THSD7B: variants seen among roughly 807,000 people sequenced by gnomAD.
The protein encoded by THSD7B is thrombospondin type-1 domain-containing protein 7B.
THSD7B carries 138 observed loss-of-function variants against 213.6 expected under a neutral mutation model. That is an observed-to-expected ratio of 0.65 (90% CI 0.56 to 0.74). THSD7B has a LOEUF of 0.74. THSD7B is among the 30% of genes least tolerant of loss of function. The pLI, the probability that THSD7B is intolerant of heterozygous loss-of-function variation, is 0.00. For synonymous variants in THSD7B, 742 were observed against 687.0 expected, an observed-to-expected ratio of 1.08 and a Z score of -1.25; for missense variants, 1,931 against 1,991.5, an observed-to-expected ratio of 0.97 and a Z score of 0.58.
chr2:137,170,688 C>T, intron 6 of THSD7B, 53 bp from the exon 7 acceptor site: 1 of 1,572,576 alleles, frequency 6.4e-7, no homozygotes, highest in Middle Eastern at 2.0e-4. Flanking sequence ...GCTTCTTTTC[C>T]TTTCCTGGAA....
intron 2 of THSD7B, among the ~76,000 whole-genome samples, chr2:136,942,781 T>C (rs534007477): frequency 3.7e-4 from 56 of 152,318 alleles, no homozygotes; most frequent in Non-Finnish European, 7.1e-4. Flanking sequence ...AAATGTACAA[T>C]CATGTCATCT....
intron 12 of THSD7B, among the ~76,000 whole-genome samples, chr2:137,384,640 C>T (rs536094379): frequency 7.2e-4 from 109 of 152,306 alleles, no homozygotes; most frequent in Middle Eastern, 3.4e-3. Flanking sequence ...AGATGCTCTA[C>T]AGGGGCCCCA....
Position 137,272,670 on chromosome 2 carries a change from G to C in THSD7B, c.2396+8G>C, listed in dbSNP as rs1415071270. On this transcript the variant is annotated splice_region_variant and intron_variant, in intron 11 of 27. Transcript: ENST00000409968. ...CTTGTGTCCTGTATATCGGCAAGTA[G>C]TTACCTTTTAAAATTATCGTTAGAC... 1 of 1,609,674 alleles carries C rather than the reference G, an allele frequency of 6.2e-7. No homozygotes were observed. Among genetic ancestry groups the C allele is most frequent in the Non-Finnish European group, 8.5e-7 (1 of 1,177,866 alleles).
chr2:136,800,411 C>T (rs1232083101), intron 1 of THSD7B, among the ~76,000 whole-genome samples: 1 of 151,960 alleles, frequency 6.6e-6, no homozygotes, highest in Middle Eastern at 3.2e-3. Flanking sequence ...CTCTCTGTGG[C>T]TTACAGTAAG....
intron 12 of THSD7B, among the ~76,000 whole-genome samples, chr2:137,316,030 C>A (rs947565528): frequency 7.9e-5 from 12 of 151,950 alleles, no homozygotes; most frequent in Admixed American, 3.3e-4. Flanking sequence ...CTTTTAAATT[C>A]TTGGTATTAT....
At chr2:137,325,080 A>G (rs536448170) in intron 12 of THSD7B, among the ~76,000 whole-genome samples, 1 of 152,374 alleles carries the variant, frequency 6.6e-6, no homozygotes, top group South Asian at 2.1e-4. Flanking sequence ...TTGTTGCTAT[A>G]GAAAGAAGTC....
chr2:137,365,101 T>C (rs549411625), intron 12 of THSD7B, among the ~76,000 whole-genome samples: 93 of 152,258 alleles, frequency 6.1e-4, no homozygotes, highest in African/African-American at 2.2e-3. Context: ...CCTACAGCCA[T>C]ATGATCTTTG....
At chr2:137,364,447 G>T (rs566274847) in intron 12 of THSD7B, among the ~76,000 whole-genome samples, 2 of 152,124 alleles carry the variant, frequency 1.3e-5, no homozygotes, top group Non-Finnish European at 2.9e-5. Flanking sequence ...AAAAGAGCAA[G>T]TCAAATTGTC....
At chr2:137,628,484 G>A (rs1424459322) in intron 20 of THSD7B, among the ~76,000 whole-genome samples, 2 of 152,156 alleles carry the variant, frequency 1.3e-5, no homozygotes, top group Non-Finnish European at 1.5e-5. Flanking sequence ...CTAGTTTAGG[G>A]ACAACAGAGA....
chr2:137,197,058 C>T (rs1680779136), intron 7 of THSD7B, among the ~76,000 whole-genome samples: 1 of 152,158 alleles, frequency 6.6e-6, no homozygotes, highest in South Asian at 2.1e-4. Context: ...CATGAAGAAA[C>T]TTCGGACCAA....
At chr2:137,575,725 C>CACATATATATATATATATATATATAT (rs59620213) in intron 17 of THSD7B, among the ~76,000 whole-genome samples, 28 of 110,860 alleles carry the variant, frequency 2.5e-4, no homozygotes, top group Non-Finnish European at 4.7e-4. Flanking sequence ...CCATAACACA[C>CACATATATATATATATATATATATAT]ATATATATAT....
intron 12 of THSD7B, among the ~76,000 whole-genome samples, chr2:137,297,587 T>A (rs1227293660): frequency 6.6e-6 from 1 of 152,054 alleles, no homozygotes; most frequent in East Asian, 1.9e-4. Context: ...TTGAAGTTAG[T>A]GTTTGATATG....
At chr2:137,574,677 G>GA (rs1233632828) in intron 17 of THSD7B, among the ~76,000 whole-genome samples, 10 of 151,984 alleles carry the variant, frequency 6.6e-5, no homozygotes, top group African/African-American at 2.4e-4. Flanking sequence ...ACTTCAAAGT[G>GA]AAAAAATGGT....
At chr2:137,365,739 C>T (rs1395347798) in intron 12 of THSD7B, among the ~76,000 whole-genome samples, 1 of 152,164 alleles carries the variant, frequency 6.6e-6, no homozygotes. Flanking sequence ...AGTCAGGAAA[C>T]AACAGATGCT....
At chr2:137,176,742 A>G (rs962477158) in intron 7 of THSD7B, among the ~76,000 whole-genome samples, 1 of 152,142 alleles carries the variant, frequency 6.6e-6, no homozygotes, top group Non-Finnish European at 1.5e-5. Flanking sequence ...GTCTTCAACT[A>G]TTGATTGAGA....
Position 137,572,554 on chromosome 2 carries a change from C to T in THSD7B, c.3421C>T (p.Gln1141Ter). ...SEWGLWSKCP[Q>*]SCDPHTMQRR... is the part of the protein sequence containing the mutation. ...GTGGGGACTTTGGAGCAAATGCCCACAGGTAATTTCTCTTTCTTTGTCAAT... is the reference window on the plus strand; with the variant it reads ...GTGGGGACTTTGGAGCAAATGCCCATAGGTAATTTCTCTTTCTTTGTCAAT... The change falls in exon 17 of 28, where the codon CAG (glutamine) becomes TAG (stop). Residue 1141 changes from glutamine (Q) to a stop codon, truncating the protein, a stop_gained and splice_region_variant. Transcript: ENST00000409968. LOFTEE classifies it high-confidence loss of function. 1.2e-6 allele frequency: 2 copies of T among 1,613,638 alleles called. No individual in the cohort carries two copies. The highest frequency in any genetic ancestry group is 1.7e-6 in the Non-Finnish European group (2 of 1,179,686).
intron 2 of THSD7B, among the ~76,000 whole-genome samples, chr2:136,900,199 G>A (rs1038103009): frequency 1.3e-5 from 2 of 152,172 alleles, no homozygotes; most frequent in African/African-American, 4.8e-5. Flanking sequence ...CACTAATGCT[G>A]AGACCAGGAT....
chr2:137,312,893 C>CT, intron 12 of THSD7B, among the ~76,000 whole-genome samples: 1 of 151,140 alleles, frequency 6.6e-6, no homozygotes, highest in South Asian at 2.1e-4. Context: ...AATTTCTGTT[C>CT]TTTTACATTT....
At chr2:137,580,266 A>G (rs925895543) in intron 17 of THSD7B, among the ~76,000 whole-genome samples, 2 of 148,380 alleles carry the variant, frequency 1.3e-5, no homozygotes, top group Non-Finnish European at 3.0e-5. Context: ...TACATTTAAT[A>G]TCATGTGAAT....
Sources: gnomAD v4.1 joint callset for allele counts (sites outside exome capture counted in the v4.1 genomes callset) on GRCh38, gnomAD v4.1.1 for gene constraint, MANE v1.5 for transcripts, NCBI Gene and HGNC (gene_info 2026-07-23, HGNC 2026-07-21) for gene names.